Variants in SLFNL1 observed in about 807,000 individuals in gnomAD.
The protein encoded by SLFNL1 is schlafen like 1.
A neutral mutation model predicts 32.5 loss-of-function variants in SLFNL1; 26 were observed. The ratio of observed to expected loss-of-function variants is 0.80; its 90% CI spans 0.59 to 1.11. The LOEUF (loss-of-function observed/expected upper bound fraction) is 1.11. SLFNL1 is among the 50% of genes least tolerant of loss of function. SLFNL1 has a pLI of 0.00. For missense variants in SLFNL1, 553 were observed against 546.5 expected (o/e 1.01, Z -0.12); for synonymous variants, 255 against 242.2 (o/e 1.05, Z -0.49).
In SLFNL1 at chr1:41,017,583, C is replaced by A; in HGVS notation, c.957+52G>T. 1.3e-6 allele frequency: 2 copies of A among 1,509,716 alleles called. No homozygotes were observed. Among genetic ancestry groups the A allele is most frequent in the Non-Finnish European group, 1.8e-6 (2 of 1,129,724 alleles). The allele number at this position is 1,509,716 out of a possible 1,614,324, so 93.5% of individuals were successfully genotyped here. On this transcript the variant is annotated intron_variant, in intron 4 of 5. Coordinates refer to ENST00000302946, the MANE Select transcript of SLFNL1 (RefSeq NM_144990.4). This position sits in a 1 kb window ranked among gnomAD's most constrained non-coding sequence, Gnocchi z 4.9. Reference sequence around the variant, plus strand: ...GGCAGGAGTGCAGGCCATCGTCTTACTGAGTGATGACAGATGACAGGCCCA... The same window carrying A: ...GGCAGGAGTGCAGGCCATCGTCTTAATGAGTGATGACAGATGACAGGCCCA...
chr1:41,019,594 C>A (rs548559194), intron 3 of SLFNL1, among the ~76,000 whole-genome samples: 1 of 152,324 alleles, frequency 6.6e-6, no homozygotes, highest in Admixed American at 6.5e-5. Flanking sequence ...TCCCTCTAAG[C>A]CCCCAGGTTC....
At position 41,017,351 on chromosome 1, in the gene SLFNL1, G is replaced by T. The variant is rs773455761; in HGVS notation, c.984C>A (p.Pro328=). 1 of 1,613,708 alleles carries T rather than the reference G, an allele frequency of 6.2e-7. No homozygotes were observed. The highest frequency in any genetic ancestry group is 8.5e-7 in the Non-Finnish European group (1 of 1,179,928). ...LKVIRLTVHT[P]KAQSQPQLYQ... ...AGAGTTGCGGCTGGCTCTGGGCCTT[G>T]GGGGTGTGCACGGTCAGGCGGATCA... The change falls in exon 5 of 6, where the codon CCC becomes CCA. Residue 328 remains proline (P), a synonymous_variant. Transcript: ENST00000302946. The surrounding 1 kb of genome is among the most constrained non-coding windows in gnomAD (Gnocchi z 4.9).
chr1:41,018,283 C>G, intron 3 of SLFNL1, 127 bp from the exon 4 acceptor site: 1 of 977,032 alleles, frequency 1.0e-6, no homozygotes, highest in East Asian at 2.8e-5. Flanking sequence ...CATCCTGATG[C>G]CCCTCACCAG....
In SLFNL1 at chr1:41,017,388, G is replaced by T; in HGVS notation, c.958-11C>A. On this transcript the variant is annotated splice_polypyrimidine_tract_variant and intron_variant, in intron 4 of 5. Transcript: ENST00000302946. This position sits in a 1 kb window ranked among gnomAD's most constrained non-coding sequence, Gnocchi z 4.9. ...GGTCAGGCGGATCACCTTGGTAGGGGCAACAGCAGCTCTGGAGGCGCCGCC... is the reference window on the plus strand; with the variant it reads ...GGTCAGGCGGATCACCTTGGTAGGGTCAACAGCAGCTCTGGAGGCGCCGCC... 2 of 1,610,588 alleles carry T rather than the reference G, an allele frequency of 1.2e-6. No homozygotes were observed. Among genetic ancestry groups the T allele is most frequent in the African/African-American group, 2.7e-5 (2 of 74,970 alleles).
rs34061852 is a variant in SLFNL1 at position 41,018,828 on chromosome 1, G to GTTTTTTT, written c.436-679_436-673dup. Among the ~76,000 whole-genome samples the GTTTTTTT allele has an allele frequency of 1.8e-4, 11 of 60,644 alleles. 1 individual carries two copies. The highest frequency in any genetic ancestry group is 2.0e-4 in the Non-Finnish European group (7 of 34,470). 39.8% of individuals were successfully genotyped at this position (60,644 alleles called of 152,430 possible). A position where few individuals can be genotyped will look rare whatever the true frequency, so the allele number is the denominator to read the frequency against. ...CTCACCCTTTCATGTCAACCCTCCT[G>GTTTTTTT]TTTTTTTTTTTTTTTTTTTTTTTTT... On this transcript the variant is annotated intron_variant, in intron 3 of 5. Transcript: ENST00000302946.
In SLFNL1 at chr1:41,017,581, TACTG is replaced by T. The variant is rs779189966; in HGVS notation, c.957+50_957+53del. The stretch of plus-strand genomic sequence containing the variant: ...CTGGCAGGAGTGCAGGCCATCGTCT[TACTG>T]AGTGATGACAGATGACAGGCCCAGA... On this transcript the variant is annotated intron_variant, in intron 4 of 5. Transcript: ENST00000302946. The surrounding 1 kb of genome is among the most constrained non-coding windows in gnomAD (Gnocchi z 4.9). The T allele has an allele frequency of 4.6e-6, 7 of 1,508,378 alleles. No homozygotes were observed. The highest frequency in any genetic ancestry group is 2.2e-5 in the Admixed American group (1 of 44,620). The allele number at this position is 1,508,378 out of a possible 1,614,324, so 93.4% of individuals were successfully genotyped here.
chr1:41,017,521 T>C lies in SLFNL1; in HGVS notation c.957+114A>G. On this transcript the variant is annotated intron_variant, in intron 4 of 5. Coordinates refer to ENST00000302946, the MANE Select transcript of SLFNL1 (RefSeq NM_144990.4). The surrounding 1 kb of genome is among the most constrained non-coding windows in gnomAD (Gnocchi z 4.9). Reference sequence around the variant, plus strand: ...AGGGGCCATCCCCAGCCTCTTCTCCTGTGGCCCCCAGTCCCGTCCCTGCCC... The same window carrying C: ...AGGGGCCATCCCCAGCCTCTTCTCCCGTGGCCCCCAGTCCCGTCCCTGCCC... 1 of 1,490,314 alleles carries C rather than the reference T, an allele frequency of 6.7e-7. No homozygotes were observed. The highest frequency in any genetic ancestry group is 8.9e-7 in the Non-Finnish European group (1 of 1,118,526). The allele number at this position is 1,490,314 out of a possible 1,614,324, so 92.3% of individuals were successfully genotyped here.
chr1:41,017,393 A>G lies in SLFNL1; in HGVS notation c.958-16T>C, dbSNP rs566746465. ...GGCGGATCACCTTGGTAGGGGCAACAGCAGCTCTGGAGGCGCCGCCCCTCA... is the reference window on the plus strand; with the variant it reads ...GGCGGATCACCTTGGTAGGGGCAACGGCAGCTCTGGAGGCGCCGCCCCTCA... On this transcript the variant is annotated splice_polypyrimidine_tract_variant and intron_variant, in intron 4 of 5. Transcript: ENST00000302946. This position sits in a 1 kb window ranked among gnomAD's most constrained non-coding sequence, Gnocchi z 4.9. 2.9e-5 allele frequency: 47 copies of G among 1,610,270 alleles called. No individual in the cohort carries two copies. The South Asian group carries it at 4.7e-4, about 16-fold the overall frequency.
chr1:41,017,415 C>G lies in SLFNL1; in HGVS notation c.958-38G>C. ...AACAGCAGCTCTGGAGGCGCCGCCC[C>G]TCACGGTCGGCAGCCCCCATCCTGC... is the stretch of plus-strand genomic sequence containing the variant. On this transcript the variant is annotated intron_variant, in intron 4 of 5. Transcript: ENST00000302946. The surrounding 1 kb of genome is among the most constrained non-coding windows in gnomAD (Gnocchi z 4.9). 6.3e-7 allele frequency: 1 copy of G among 1,594,848 alleles called. No homozygotes were observed. Among genetic ancestry groups the G allele is most frequent in the Non-Finnish European group, 8.6e-7 (1 of 1,169,522 alleles).
intron 3 of SLFNL1, 42 bp downstream of exon 3, chr1:41,020,184 G>C (rs1383989448): frequency 1.8e-5 from 28 of 1,540,520 alleles, no homozygotes; most frequent in Non-Finnish European, 2.5e-5. Context: ...GCTCTCCCTT[G>C]GGGTGAGGCT....
chr1:41,018,844 T>TTG (rs1643587852), intron 3 of SLFNL1, among the ~76,000 whole-genome samples: 1 of 141,288 alleles, frequency 7.1e-6, no homozygotes, highest in East Asian at 2.1e-4. Flanking sequence ...TTTTTTTTTT[T>TTG]TTTTTTTTTG....
At chr1:41,019,439 C>T (rs543705143) in intron 3 of SLFNL1, among the ~76,000 whole-genome samples, 1 of 152,282 alleles carries the variant, frequency 6.6e-6, no homozygotes, top group East Asian at 1.9e-4. Context: ...ATAAAGCCAG[C>T]AGTTCAGCCT....
intron 3 of SLFNL1, 126 bp from the exon 4 acceptor site, chr1:41,018,282 GC>G: frequency 2.0e-6 from 2 of 985,610 alleles, no homozygotes; most frequent in Non-Finnish European, 2.8e-6. Flanking sequence ...ACATCCTGAT[GC>G]CCCTCACCAG....
rs767712399 is a variant in SLFNL1, at chr1:41,016,171, T to C, written c.1159A>G (p.Lys387Glu). 6.4e-5 allele frequency: 103 copies of C among 1,613,938 alleles called. No individual in the cohort carries two copies. The highest frequency in any genetic ancestry group is 1.8e-4 in the East Asian group (8 of 44,880). The part of the protein sequence containing the change: ...EEKMKALMME[K>E]EQLQQQLQQH... ...TGCAGCTGCTGCTGGAGCTGCTCCT[T>C]CTCCATCATCAGCGCCTTCATCTTC... Residue 387 changes from lysine (K) to glutamate (E), a missense_variant, in exon 6 of 6, where the codon AAG becomes GAG. Transcript: ENST00000302946.
chr1:41,019,340 C>T (rs1643642295), intron 3 of SLFNL1, among the ~76,000 whole-genome samples: 1 of 152,164 alleles, frequency 6.6e-6, no homozygotes, highest in Non-Finnish European at 1.5e-5. Context: ...AGTTCTGCAA[C>T]AGTTTAAACA....
intron 5 of SLFNL1, chr1:41,016,495 C>A: frequency 2.2e-6 from 1 of 450,842 alleles, no homozygotes; most frequent in Non-Finnish European, 4.0e-6. Context: ...GTCCTCCATT[C>A]TCTGTTTCCC....
Position 41,016,081 on chromosome 1 carries a change from C to CCGT in SLFNL1, c.*22_*24dup. 1 of 1,603,170 alleles carries CCGT rather than the reference C, an allele frequency of 6.2e-7. No individual in the cohort carries two copies. The highest frequency in any genetic ancestry group is 8.5e-7 in the Non-Finnish European group (1 of 1,173,986). ...TGGGTCTCAGGTGGAGAGTGCCGTG[C>CCGT]CGTCCTGCCTGCTCCCCAGGGCCCT... On this transcript the variant is annotated 3_prime_UTR_variant, in exon 6 of 6. Transcript: ENST00000302946.
At position 41,017,131 on chromosome 1, in the gene SLFNL1, AC is replaced by A; in HGVS notation, c.1101+102del. 1 of 1,379,862 alleles carries A rather than the reference AC, an allele frequency of 7.2e-7. No homozygotes were observed. The highest frequency in any genetic ancestry group is 9.6e-7 in the Non-Finnish European group (1 of 1,041,518). 85.5% of individuals were successfully genotyped at this position (1,379,862 alleles called of 1,614,324 possible). ...CTTGGGTTCAACGGGGTGATGCAGG[AC>A]CCAGGGAACCATGGTGGCTTGCCCT... On this transcript the variant is annotated intron_variant, in intron 5 of 5. Coordinates refer to ENST00000302946, the MANE Select transcript of SLFNL1 (RefSeq NM_144990.4). This position sits in a 1 kb window ranked among gnomAD's most constrained non-coding sequence, Gnocchi z 4.9.
rs147504880 is a variant in SLFNL1 at position 41,020,526 on chromosome 1, C to A, written c.135G>T (p.Ser45=). 21 of 1,613,372 alleles carry A rather than the reference C, an allele frequency of 1.3e-5. No homozygotes were observed. Among genetic ancestry groups the A allele is most frequent in the South Asian group, 7.7e-5 (7 of 91,084 alleles). ...TEYSDLEEAP[S]AHTLYVGHLN... ...GATGGCCCACATAGAGAGTGTGCGC[C>A]GAGGGAGCCTCCTCGAGGTCAGAGT... The change falls in exon 3 of 6, where the codon TCG becomes TCT. Residue 45 remains serine, a synonymous_variant. Transcript: ENST00000302946.
Sources: gnomAD v4.1 joint callset for allele counts (sites outside exome capture counted in the v4.1 genomes callset) on GRCh38, gnomAD v4.1.1 for gene constraint, Gnocchi (gnomAD v3.1) non-coding constraint, MANE v1.5 for transcripts, NCBI Gene and HGNC (gene_info 2026-07-23, HGNC 2026-07-21) for gene names.